Variants in TCF24 observed in about 807,000 individuals in gnomAD.
The protein encoded by TCF24 is transcription factor 24.
In TCF24, 5 loss-of-function variants were observed where a neutral mutation model predicts 9.3. That is an observed-to-expected ratio of 0.54 (90% CI 0.28 to 1.13). The LOEUF (loss-of-function observed/expected upper bound fraction) is 1.13. Among genes scored for constraint, TCF24 ranks in the 50% most tolerant of loss-of-function variants. TCF24 has a pLI of 0.09. For missense variants in TCF24, 220 were observed against 236.1 expected (o/e 0.93, Z 0.45); for synonymous variants, 110 against 115.8 (o/e 0.95, Z 0.32).
rs1201731311 is a variant in TCF24 at position 66,947,911 on chromosome 8, G to C, written c.*140C>G. 8.5e-6 allele frequency: 5 copies of C among 587,380 alleles called. No homozygotes were observed. Among genetic ancestry groups the C allele is most frequent in the Non-Finnish European group, 1.4e-5 (5 of 346,386 alleles). 36.4% of individuals were successfully genotyped at this position (587,380 alleles called of 1,614,324 possible). ...GATTATTTCATTCCACATTTAGACA[G>C]ATAAACCTGAACATCCAACTATGGG... is the stretch of plus-strand genomic sequence containing the variant. On this transcript the variant is annotated 3_prime_UTR_variant, in exon 4 of 4. Transcript: ENST00000563496.
intron 3 of TCF24, among the ~76,000 whole-genome samples, chr8:66,958,901 G>A (rs140830573): frequency 6.6e-5 from 10 of 152,290 alleles, no homozygotes; most frequent in East Asian, 1.9e-4. Flanking sequence ...ATACCCCACA[G>A]GGATTAAAAA....
At chr8:66,950,388 G>T (rs1002457504) in intron 3 of TCF24, among the ~76,000 whole-genome samples, 10 of 152,136 alleles carry the variant, frequency 6.6e-5, no homozygotes, top group Admixed American at 3.9e-4. Flanking sequence ...GCTTTTCTCA[G>T]GTTTGTCAAA....
chr8:66,962,240 G>C (rs1249349582), intron 1 of TCF24, 89 bp downstream of exon 1: 5 of 152,296 alleles, frequency 3.3e-5, no homozygotes, highest in African/African-American at 9.6e-5. Flanking sequence ...CCCGAGGAGC[G>C]GGGGACCCTT....
At chr8:66,953,688 T>C (rs1814094434) in intron 3 of TCF24, among the ~76,000 whole-genome samples, 1 of 152,138 alleles carries the variant, frequency 6.6e-6, no homozygotes, top group Non-Finnish European at 1.5e-5. Context: ...TCCTGCAGAG[T>C]GTTTTCCAAC....
intron 3 of TCF24, among the ~76,000 whole-genome samples, chr8:66,956,322 T>G (rs1814151721): frequency 6.6e-6 from 1 of 152,122 alleles, no homozygotes; most frequent in African/African-American, 2.4e-5. Context: ...TTGTCAGTGG[T>G]CCTGTTCCTG....
rs575196721 is a variant in TCF24 at position 66,954,965 on chromosome 8, G to A, written c.390+6411C>T. The stretch of plus-strand genomic sequence containing the variant: ...CCCTGCCTTGGCTCGCACACGGTGC[G>A]CGCACCCACTGACCTGCGCCCACTG... On this transcript the variant is annotated intron_variant, in intron 3 of 3. Transcript: ENST00000563496. The A allele has an allele frequency of 2.8e-3, 430 of 155,336 alleles. 2 individuals are homozygous for A. The highest frequency in any genetic ancestry group is 7.5e-3 in the South Asian group (37 of 4,956). The allele number at this position is 155,336 out of a possible 1,614,324, so 9.6% of individuals were successfully genotyped here.
intron 3 of TCF24, among the ~76,000 whole-genome samples, chr8:66,951,988 T>C: frequency 6.9e-6 from 1 of 145,642 alleles, no homozygotes. Flanking sequence ...TCTCTCTTTT[T>C]TTCTTTATTA....
intron 3 of TCF24, among the ~76,000 whole-genome samples, chr8:66,948,701 ATCTAT>A: frequency 6.9e-6 from 1 of 144,492 alleles, no homozygotes; most frequent in African/African-American, 2.6e-5. Flanking sequence ...CTATCTATCT[ATCTAT>A]TTTTTTTGAG....
intron 3 of TCF24, among the ~76,000 whole-genome samples, chr8:66,951,631 C>T (rs1028610760): frequency 2.6e-5 from 4 of 152,190 alleles, no homozygotes; most frequent in Admixed American, 6.5e-5. Flanking sequence ...GGAGGATTCC[C>T]TCTTTTTCTG....
intron 3 of TCF24, among the ~76,000 whole-genome samples, chr8:66,957,456 G>C (rs1439706941): frequency 2.0e-5 from 3 of 150,284 alleles, no homozygotes; most frequent in Non-Finnish European, 3.0e-5. Flanking sequence ...CTCTCTCTCT[G>C]TGTACATGTA....
At chr8:66,956,152 A>G (rs906551629) in intron 3 of TCF24, among the ~76,000 whole-genome samples, 1 of 152,004 alleles carries the variant, frequency 6.6e-6, no homozygotes, top group African/African-American at 2.4e-5. Context: ...GAGTCTCACT[A>G]TGTTGCTTTG....
chr8:66,954,751 G>A (rs544317047), intron 3 of TCF24, among the ~76,000 whole-genome samples: 37 of 152,308 alleles, frequency 2.4e-4, no homozygotes, highest in Admixed American at 9.8e-4. Context: ...GTGAGACTCC[G>A]TGGGCGTAGG....
chr8:66,962,564 G>A lies in TCF24; in HGVS notation c.-370C>T, dbSNP rs1445280688. 6.6e-6 allele frequency: 1 copy of A among 152,296 alleles called. No homozygotes were observed. Among genetic ancestry groups the A allele is most frequent in the Non-Finnish European group, 1.5e-5 (1 of 68,108 alleles). The allele number at this position is 152,296 out of a possible 1,614,324, so 9.4% of individuals were successfully genotyped here. A position where few individuals can be genotyped will look rare whatever the true frequency, so the allele number is the denominator to read the frequency against. ...CGGGCGGAGGACCTGGCCCACCGGA[G>A]AGGCTACGCCGGGGGCTGAGGCGGC... On this transcript the variant is annotated 5_prime_UTR_variant, in exon 1 of 4. Coordinates refer to ENST00000563496, the MANE Select transcript of TCF24 (RefSeq NM_001193502.2).
chr8:66,952,857 C>G (rs1378618562), intron 3 of TCF24, among the ~76,000 whole-genome samples: 1 of 145,202 alleles, frequency 6.9e-6, no homozygotes, highest in Non-Finnish European at 1.5e-5. Flanking sequence ...TAATGGCCTT[C>G]TTTGTCTCTT....
chr8:66,958,754 A>G (rs1253080046), intron 3 of TCF24, among the ~76,000 whole-genome samples: 1 of 152,242 alleles, frequency 6.6e-6, no homozygotes, highest in Non-Finnish European at 1.5e-5. Context: ...CCTATCATAG[A>G]CAATGATTAT....
intron 3 of TCF24, among the ~76,000 whole-genome samples, chr8:66,950,421 G>A (rs372984945): frequency 3.0e-4 from 45 of 149,404 alleles, no homozygotes; most frequent in Non-Finnish European, 4.6e-4. Context: ...GTAGATATGC[G>A]GCGTTATTTC....
At chr8:66,948,942 C>T (rs1228618704) in intron 3 of TCF24, among the ~76,000 whole-genome samples, 2 of 152,010 alleles carry the variant, frequency 1.3e-5, no homozygotes, top group Non-Finnish European at 2.9e-5. Flanking sequence ...GTGATCCACC[C>T]GCCTCAGCCT....
intron 3 of TCF24, among the ~76,000 whole-genome samples, chr8:66,954,455 A>AG (rs1434058767): frequency 1.3e-5 from 2 of 152,156 alleles, no homozygotes; most frequent in African/African-American, 4.8e-5. Flanking sequence ...GCCCGTTCTC[A>AG]GATCTCCAGC....
chr8:66,949,005 G>A (rs1322077837), intron 3 of TCF24, among the ~76,000 whole-genome samples: 1 of 152,036 alleles, frequency 6.6e-6, no homozygotes, highest in Non-Finnish European at 1.5e-5. Context: ...GCTAAAAAAC[G>A]ATATCTAGAA....
Sources: allele counts gnomAD v4.1 joint callset (sites outside exome capture counted in the v4.1 genomes callset), GRCh38; gene constraint gnomAD v4.1.1; transcripts MANE v1.5; gene names NCBI Gene and HGNC (gene_info 2026-07-23, HGNC 2026-07-21).